Variants in PCDH15 observed in about 807,000 individuals in gnomAD.
The protein encoded by PCDH15 is protocadherin-15.
In PCDH15, 129 loss-of-function variants were observed where a neutral mutation model predicts 178.5. The observed-to-expected ratio is 0.72, with a 90% CI of 0.63 to 0.84. The LOEUF (loss-of-function observed/expected upper bound fraction) is 0.84, where lower values mean the gene tolerates loss of function less well. PCDH15 is among the 40% of genes least tolerant of loss of function. The pLI is 0.00. For missense variants in PCDH15, 2,230 were observed against 2,099.9 expected (o/e 1.06, Z -1.21); for synonymous variants, 800 against 732.0 (o/e 1.09, Z -1.50).
chr10:54,106,571 A>G lies in PCDH15; in HGVS notation c.1918-16508T>C, dbSNP rs1372433048. Reference sequence around the variant, plus strand: ...CAAGAAACAGCTAAATAGAATGGATATGGAAAGCATTCCTCCTGTTACTGA... The same window carrying G: ...CAAGAAACAGCTAAATAGAATGGATGTGGAAAGCATTCCTCCTGTTACTGA... On this transcript the variant is annotated intron_variant, in intron 15 of 37. Transcript: ENST00000644397. Among the ~76,000 whole-genome samples, 3 of 152,242 alleles carry G rather than the reference A, an allele frequency of 2.0e-5. No homozygotes were observed. The East Asian group carries it at 5.8e-4, about 29-fold the overall frequency.
intron 15 of PCDH15, among the ~76,000 whole-genome samples, chr10:54,103,657 T>G (rs2094854520): frequency 6.6e-6 from 1 of 152,230 alleles, no homozygotes; most frequent in African/African-American, 2.4e-5. Context: ...TCCCTTTCTC[T>G]GCATTAAACC....
At chr10:54,199,684 A>G (rs779997668) in intron 10 of PCDH15, among the ~76,000 whole-genome samples, 2 of 151,834 alleles carry the variant, frequency 1.3e-5, no homozygotes, top group Non-Finnish European at 2.9e-5. Flanking sequence ...GTTCTCAAAA[A>G]TCTGAATTAT....
intron 2 of PCDH15, among the ~76,000 whole-genome samples, chr10:55,395,942 T>A (rs1837917867): frequency 6.6e-6 from 1 of 152,146 alleles, no homozygotes; most frequent in Non-Finnish European, 1.5e-5. Flanking sequence ...TTATATTCAA[T>A]CTAAATTCTA....
chr10:54,389,903 A>T (rs762897142), intron 3 of PCDH15, among the ~76,000 whole-genome samples: 16 of 152,160 alleles, frequency 1.1e-4, no homozygotes, highest in Non-Finnish European at 2.1e-4. Flanking sequence ...AGATCGTGCC[A>T]TTGCACTCCA....
chr10:54,616,596 T>A (rs1762284848), intron 2 of PCDH15, among the ~76,000 whole-genome samples: 1 of 152,062 alleles, frequency 6.6e-6, no homozygotes, highest in Non-Finnish European at 1.5e-5. Context: ...AATTCTGATT[T>A]TTTTAAAAAA....
chr10:54,206,731 C>T (rs1047434043), intron 10 of PCDH15, among the ~76,000 whole-genome samples: 1 of 151,852 alleles, frequency 6.6e-6, no homozygotes, highest in South Asian at 2.1e-4. Context: ...CCTACTGGAC[C>T]GTTCTTGAGA....
At chr10:54,295,667 C>T (rs540752822) in intron 8 of PCDH15, among the ~76,000 whole-genome samples, 25 of 152,296 alleles carry the variant, frequency 1.6e-4, no homozygotes, top group African/African-American at 2.4e-4. Flanking sequence ...TGAAGCTCCG[C>T]GCTTCATTCT....
rs541929534 is a variant in PCDH15 at position 54,753,992 on chromosome 10, T to C, written c.-29+46933A>G. Among the ~76,000 whole-genome samples, 651 of 104,178 alleles carry C rather than the reference T, an allele frequency of 6.2e-3. 6 individuals carry two copies. The highest frequency in any genetic ancestry group is 0.019 in the African/African-American group (581 of 30,034). The allele number at this position is 104,178 out of a possible 152,430, so 68.3% of individuals were successfully genotyped here. On this transcript the variant is annotated intron_variant, in intron 1 of 37. Coordinates refer to ENST00000644397, the MANE Select transcript of PCDH15 (RefSeq NM_001384140.1). ...GCCGGCTGATTTTTTTTTTTTATTA[T>C]TATTATTTTTTATTTTTAGTAGAGA...
rs2094086921 is a variant in PCDH15, at chr10:54,064,018, G to T, written c.2220+2739C>A. Among the ~76,000 whole-genome samples, 3 of 152,160 alleles carry T rather than the reference G, an allele frequency of 2.0e-5. No homozygotes were observed. In the South Asian group the frequency reaches 6.2e-4, roughly 31 times the overall value. On this transcript the variant is annotated intron_variant, in intron 18 of 37. Coordinates refer to ENST00000644397, the MANE Select transcript of PCDH15 (RefSeq NM_001384140.1). ...ACCGCTCTTTCATTCCTGCCATTTG[G>T]TGGGTCCCGAGTTTTTGGCCCACAT...
At chr10:55,444,568 A>G (rs1322635783) in intron 2 of PCDH15, among the ~76,000 whole-genome samples, 2 of 152,160 alleles carry the variant, frequency 1.3e-5, no homozygotes, top group African/African-American at 4.8e-5. Flanking sequence ...ATTAATTCAA[A>G]TGAAATAATA....
chr10:54,244,332 T>G (rs1378468102), intron 8 of PCDH15, among the ~76,000 whole-genome samples: 2 of 152,222 alleles, frequency 1.3e-5, no homozygotes, highest in African/African-American at 2.4e-5. Context: ...TGTCTTTGTC[T>G]TTAAAGTTTG....
intron 3 of PCDH15, among the ~76,000 whole-genome samples, chr10:54,823,247 A>T (rs746515563): frequency 1.3e-5 from 2 of 152,016 alleles, no homozygotes; most frequent in Non-Finnish European, 2.9e-5. Context: ...ACGCACACGC[A>T]TATACATTTA....
At chr10:54,836,832 A>C (rs1953325602) in intron 3 of PCDH15, among the ~76,000 whole-genome samples, 1 of 152,112 alleles carries the variant, frequency 6.6e-6, no homozygotes, top group Non-Finnish European at 1.5e-5. Context: ...CTACTGACAA[A>C]GGGGAAAAGT....
chr10:54,390,541 C>G (rs1193306630), intron 3 of PCDH15, among the ~76,000 whole-genome samples: 1 of 152,176 alleles, frequency 6.6e-6, no homozygotes, highest in East Asian at 1.9e-4. Flanking sequence ...GTGGTCCACC[C>G]ACCTCGGACT....
chr10:55,545,389 C>T (rs1056163465), intron 2 of PCDH15, among the ~76,000 whole-genome samples: 13 of 152,132 alleles, frequency 8.5e-5, no homozygotes, highest in Non-Finnish European at 1.3e-4. Flanking sequence ...GATTCTCCTT[C>T]CTCAGCCTCC....
chr10:54,354,425 C>G (rs1180733887), intron 5 of PCDH15, among the ~76,000 whole-genome samples: 1 of 152,172 alleles, frequency 6.6e-6, no homozygotes, highest in Non-Finnish European at 1.5e-5. Context: ...CTCCTTATCT[C>G]TTTCTCTTTT....
intron 1 of PCDH15, among the ~76,000 whole-genome samples, chr10:54,739,231 A>G (rs10825390): frequency 0.13 from 18,998 of 151,928 alleles, 1,340 homozygotes; most frequent in African/African-American, 0.18. Flanking sequence ...AGTTGCTACA[A>G]AATCAACATA....
intron 1 of PCDH15, among the ~76,000 whole-genome samples, chr10:55,168,713 T>A (rs543969585): frequency 1.6e-4 from 25 of 152,172 alleles, no homozygotes; most frequent in Non-Finnish European, 3.4e-4. Flanking sequence ...TTTAATGCCT[T>A]CAGGTCAGGG....
At chr10:54,756,819 A>G (rs1947197029) in intron 1 of PCDH15, among the ~76,000 whole-genome samples, 1 of 152,202 alleles carries the variant, frequency 6.6e-6, no homozygotes, top group Non-Finnish European at 1.5e-5. Context: ...CAATTTTTCT[A>G]CATATATGCA....
Sources: allele counts gnomAD v4.1 joint callset (sites outside exome capture counted in the v4.1 genomes callset), GRCh38; gene constraint gnomAD v4.1.1; transcripts MANE v1.5; gene names NCBI Gene and HGNC (gene_info 2026-07-23, HGNC 2026-07-21).